FLCN: variants seen among roughly 807,000 people sequenced by gnomAD.
FLCN encodes BHD skin lesion fibrofolliculoma protein.
A neutral mutation model predicts 62.5 loss-of-function variants in FLCN; 22 were observed. The observed-to-expected ratio is 0.35, with a 90% CI of 0.25 to 0.50. The LOEUF (loss-of-function observed/expected upper bound fraction) is 0.50. FLCN is among the 20% of genes least tolerant of loss of function. The probability of loss-of-function intolerance (pLI) is 0.97; values close to 1 mark genes in which losing one functional copy is unlikely to be tolerated. For synonymous variants in FLCN, 319 were observed against 310.0 expected (o/e 1.03, Z -0.30); for missense variants, 657 against 778.0 (o/e 0.84, Z 1.85).
intron 9 of FLCN, 25 bp downstream of exon 9, chr17:17,218,994 G>T (rs764498918): frequency 6.2e-7 from 1 of 1,611,386 alleles, no homozygotes; most frequent in South Asian, 1.1e-5. Context: ...CTGAGCTCCT[G>T]ATGCGCTGTG....
At chr17:17,236,293 T>C (rs2047579238) in intron 1 of FLCN, among the ~76,000 whole-genome samples, 1 of 152,196 alleles carries the variant, frequency 6.6e-6, no homozygotes, top group African/African-American at 2.4e-5. Flanking sequence ...CAGAGCTCCC[T>C]GACATAGGAC....
intron 5 of FLCN, 177 bp from the exon 6 acceptor site, chr17:17,224,320 A>G (rs2047188054): frequency 1.6e-6 from 1 of 643,634 alleles, no homozygotes; most frequent in East Asian, 2.7e-5. Context: ...TCCTGTGATC[A>G]AGCTTCCAAC....
chr17:17,218,329 T>TA (rs1567811856), intron 9 of FLCN, among the ~76,000 whole-genome samples: 1 of 152,120 alleles, frequency 6.6e-6, no homozygotes, highest in Admixed American at 6.5e-5. Flanking sequence ...TACTGTTTAC[T>TA]AGTATGGTTT....
intron 6 of FLCN, chr17:17,223,238 C>G (rs1374162825): frequency 5.2e-6 from 1 of 193,282 alleles, no homozygotes; most frequent in Non-Finnish European, 1.1e-5. Flanking sequence ...GGATTACAGG[C>G]ATGCACCACC....
rs551121944 is a variant in FLCN at position 17,224,754 on chromosome 17, T to A, written c.397-611A>T. 5 of 164,326 alleles carry A rather than the reference T, an allele frequency of 3.0e-5. No homozygotes were observed. The East Asian group carries it at 8.9e-4, about 29-fold the overall frequency. 10.2% of individuals were successfully genotyped at this position (164,326 alleles called of 1,614,324 possible). ...GGTTTCACCATGTTGGCCAGGCTGG[T>A]CTCGAACTCCTGACCTCAGGTGATC... On this transcript the variant is annotated intron_variant, in intron 5 of 13. Coordinates refer to ENST00000285071, the MANE Select transcript of FLCN (RefSeq NM_144997.7).
In FLCN at chr17:17,218,767, T is replaced by A. The variant is rs553617133; in HGVS notation, c.1062+252A>T. Among the ~76,000 whole-genome samples, 2 of 152,294 alleles carry A rather than the reference T, an allele frequency of 1.3e-5. 1 individual carries two copies. The highest frequency in any genetic ancestry group is 4.1e-4 in the South Asian group (2 of 4,824). ...ATGCCTTTAGGAGCTTCTTAGAGGA[T>A]TAGAGGACCATGGGATGCCAACTAT... On this transcript the variant is annotated intron_variant, in intron 9 of 13. Coordinates refer to ENST00000285071, the MANE Select transcript of FLCN (RefSeq NM_144997.7).
rs755253791 is a variant in FLCN at position 17,221,631 on chromosome 17, G to A, written c.780-3C>T. 2 of 1,606,818 alleles carry A rather than the reference G, an allele frequency of 1.2e-6. No homozygotes were observed. The highest frequency in any genetic ancestry group is 1.7e-6 in the Non-Finnish European group (2 of 1,179,874). On this transcript the variant is annotated splice_region_variant and splice_polypyrimidine_tract_variant and intron_variant, in intron 7 of 13. Transcript: ENST00000285071. The stretch of plus-strand genomic sequence containing the variant: ...GGCTGCCACACGCCTTCAGGAGCCT[G>A]GAGAACACAGCACCAGCTATGAGCG...
At chr17:17,234,570 G>A (rs1344333635) in intron 1 of FLCN, among the ~76,000 whole-genome samples, 1 of 151,744 alleles carries the variant, frequency 6.6e-6, no homozygotes, top group Non-Finnish European at 1.5e-5. Flanking sequence ...CTCGCTGGGT[G>A]CAGTGGCTTA....
In FLCN at chr17:17,213,479, T is replaced by G. The variant is rs1268598385; in HGVS notation, c.*176A>C. 1.3e-6 allele frequency: 1 copy of G among 772,796 alleles called. No homozygotes were observed. The highest frequency in any genetic ancestry group is 1.7e-5 in the African/African-American group (1 of 58,276). 47.9% of individuals were successfully genotyped at this position (772,796 alleles called of 1,614,324 possible). On this transcript the variant is annotated 3_prime_UTR_variant, in exon 14 of 14. Transcript: ENST00000285071. Reference sequence around the variant, plus strand: ...GATTCCAACGGCTGGAGGGAGAGTCTGGGAAGCACACAGGCCCCAAACCTG... The same window carrying G: ...GATTCCAACGGCTGGAGGGAGAGTCGGGGAAGCACACAGGCCCCAAACCTG...
intron 5 of FLCN, chr17:17,225,896 G>C (rs971851604): frequency 3.6e-6 from 2 of 559,112 alleles, no homozygotes; most frequent in Non-Finnish European, 6.7e-6. Flanking sequence ...AAGGAAAAAA[G>C]AAAACAATAA....
chr17:17,220,456 A>C (rs1232811562), intron 8 of FLCN: 3 of 152,276 alleles, frequency 2.0e-5, no homozygotes, highest in Non-Finnish European at 4.4e-5. Flanking sequence ...CATTTCAACG[A>C]AACTTCATGG....
At chr17:17,224,837 C>G (rs1001457002) in intron 5 of FLCN, 1 of 156,100 alleles carries the variant, frequency 6.4e-6, no homozygotes, top group Non-Finnish European at 1.4e-5. Flanking sequence ...CATGCCCAGC[C>G]CCACGTACTT....
In FLCN at chr17:17,216,635, C is replaced by T. The variant is rs1400560331; in HGVS notation, c.1177-132G>A. 10 of 1,420,886 alleles carry T rather than the reference C, an allele frequency of 7.0e-6. No individual in the cohort carries two copies. In the East Asian group the frequency reaches 2.5e-4, roughly 35 times the overall value. 88.0% of individuals were successfully genotyped at this position (1,420,886 alleles called of 1,614,324 possible). On this transcript the variant is annotated intron_variant, in intron 10 of 13. Coordinates refer to ENST00000285071, the MANE Select transcript of FLCN (RefSeq NM_144997.7). The surrounding 1 kb of genome is among the most constrained non-coding windows in gnomAD (Gnocchi z 4.0). ...GCCCTCCCTCCTGCCAGAGGAGTCC[C>T]CAGACTCTCAGCCCACAGTGGGGGT...
chr17:17,219,140 G>A lies in FLCN; in HGVS notation c.941C>T (p.Pro314Leu). The change falls in exon 9 of 14, where the codon CCA becomes CTA. Residue 314 changes from proline (P) to leucine (L), a missense_variant. Transcript: ENST00000285071. ...CAGCTCCCGCCCTTCTGTACTCTCT[G>A]GCAACACAGGGGCTTTCTCCTCCTC... ...AEEEEKAPVL[P>L]ESTEGRELTQ... is the part of the protein sequence containing the mutation. 2 of 1,614,174 alleles carry A rather than the reference G, an allele frequency of 1.2e-6. No individual in the cohort carries two copies. The highest frequency in any genetic ancestry group is 1.7e-6 in the Non-Finnish European group (2 of 1,180,034).
chr17:17,214,878 C>A (rs1352339819), intron 13 of FLCN, 107 bp downstream of exon 13: 1 of 1,217,522 alleles, frequency 8.2e-7, no homozygotes, highest in South Asian at 1.2e-5. Context: ...CCAACCTCTT[C>A]TCTCGGCTCC....
chr17:17,226,846 C>T (rs2047264439), intron 4 of FLCN, among the ~76,000 whole-genome samples: 3 of 152,216 alleles, frequency 2.0e-5, no homozygotes, highest in Admixed American at 2.0e-4. Context: ...CAGCTCACCA[C>T]TGCTGCCCCG....
chr17:17,215,934 G>A (rs111937897), intron 11 of FLCN, among the ~76,000 whole-genome samples: 2 of 152,296 alleles, frequency 1.3e-5, no homozygotes, highest in South Asian at 2.1e-4. Flanking sequence ...AGTGAAGGCC[G>A]GGAAGACCTC....
Position 17,227,887 on chromosome 17 carries a change from G to T in FLCN, c.249+2C>A, listed in dbSNP as rs939223011. 2 of 1,614,104 alleles carry T rather than the reference G, an allele frequency of 1.2e-6. No individual in the cohort carries two copies. The highest frequency in any genetic ancestry group is 1.7e-6 in the Non-Finnish European group (2 of 1,180,022). ...CAAAACCAAGACCCCAAAGACACTT[G>T]CCTCGCACATGTCCGACTTTTTGGG... On this transcript the variant is annotated splice_donor_variant, in intron 4 of 13. Transcript: ENST00000285071. LOFTEE classifies it high-confidence loss of function.
At position 17,217,676 on chromosome 17, in the gene FLCN, G is replaced by A. The variant is rs539026415; in HGVS notation, c.1063-494C>T. ...CCTGCTTGACGGCTGCTGTTCTTTG[G>A]ATCCAGGAGATACTACAGGACCCAT... On this transcript the variant is annotated intron_variant, in intron 9 of 13. Coordinates refer to ENST00000285071, the MANE Select transcript of FLCN (RefSeq NM_144997.7). The A allele has an allele frequency of 8.9e-5, 25 of 281,802 alleles. No homozygotes were observed. In the Admixed American group the frequency reaches 1.2e-3, roughly 14 times the overall value. 17.5% of individuals were successfully genotyped at this position (281,802 alleles called of 1,614,324 possible). A position where few individuals can be genotyped will look rare whatever the true frequency, so the allele number is the denominator to read the frequency against.
Sources: gnomAD v4.1 joint callset for allele counts (sites outside exome capture counted in the v4.1 genomes callset) on GRCh38, gnomAD v4.1.1 for gene constraint, Gnocchi (gnomAD v3.1) non-coding constraint, MANE v1.5 for transcripts, NCBI Gene and HGNC (gene_info 2026-07-23, HGNC 2026-07-21) for gene names.